Variants in RBFOX1 observed in about 807,000 individuals in gnomAD.
RBFOX1 encodes RNA binding protein fox-1 homolog 1.
A neutral mutation model predicts 57.7 loss-of-function variants in RBFOX1; 8 were observed. That is an observed-to-expected ratio of 0.14 (90% CI 0.08 to 0.25). The LOEUF (loss-of-function observed/expected upper bound fraction) is 0.25, where lower values mean the gene tolerates loss of function less well. RBFOX1 is among the 10% of genes least tolerant of loss of function. The pLI is 1.00. For synonymous variants in RBFOX1, 326 were observed against 222.4 expected (o/e 1.47, Z -4.15); for missense variants, 611 against 548.5 (o/e 1.11, Z -1.14).
intron 4 of RBFOX1, among the ~76,000 whole-genome samples, chr16:7,455,541 T>C (rs1442479436): frequency 6.6e-6 from 1 of 151,924 alleles, no homozygotes; most frequent in Non-Finnish European, 1.5e-5. Context: ...CCTGTAATCC[T>C]AGCACATTGA....
At chr16:6,486,318 G>A (rs2042911151) in intron 2 of RBFOX1, among the ~76,000 whole-genome samples, 1 of 151,208 alleles carries the variant, frequency 6.6e-6, no homozygotes, top group African/African-American at 2.4e-5. Flanking sequence ...GAACAAACTT[G>A]GTCTTGTTTT....
At chr16:7,168,293 A>G (rs1475196460) in intron 4 of RBFOX1, among the ~76,000 whole-genome samples, 1 of 152,088 alleles carries the variant, frequency 6.6e-6, no homozygotes, top group African/African-American at 2.4e-5. Context: ...CTCAGCATGA[A>G]ATGGACCAAG....
At chr16:7,383,232 A>G (rs1038474876) in intron 4 of RBFOX1, among the ~76,000 whole-genome samples, 3 of 152,018 alleles carry the variant, frequency 2.0e-5, no homozygotes, top group South Asian at 2.1e-4. Context: ...CATGTATCCC[A>G]TAAACATACA....
chr16:6,999,688 A>G (rs958577396), intron 3 of RBFOX1, among the ~76,000 whole-genome samples: 32 of 152,070 alleles, frequency 2.1e-4, no homozygotes, highest in Middle Eastern at 3.2e-3. Context: ...AAAATATACT[A>G]TTATTATTAA....
intron 1 of RBFOX1, among the ~76,000 whole-genome samples, chr16:6,178,125 A>G (rs553817565): frequency 5.1e-4 from 77 of 150,666 alleles, no homozygotes; most frequent in Non-Finnish European, 9.6e-4. Flanking sequence ...GGTTATGGTC[A>G]TGGACACCTG....
intron 4 of RBFOX1, among the ~76,000 whole-genome samples, chr16:7,146,433 G>A (rs2074995697): frequency 6.6e-6 from 1 of 152,172 alleles, no homozygotes; most frequent in Non-Finnish European, 1.5e-5. Flanking sequence ...CAGCAGCTCT[G>A]TCACCCCCAC....
intron 3 of RBFOX1, among the ~76,000 whole-genome samples, chr16:6,829,306 A>G (rs773825540): frequency 7.2e-5 from 11 of 152,048 alleles, no homozygotes; most frequent in Non-Finnish European, 1.5e-4. Context: ...TAGGAATTTA[A>G]TCTACATAAA....
In RBFOX1 at chr16:5,908,350, GT is replaced by G. The variant is rs1430351794; in HGVS notation, c.351+41016del. On this transcript the variant is annotated intron_variant, in intron 4 of 19. Transcript: ENST00000641259. ...TATATATATGTGTGTGTGTGTGTGT[GT>G]GTCTGTGTGTGTTTTTTGTAAGACA... 5.2e-4 allele frequency among the ~76,000 whole-genome samples: 42 copies of G among 81,010 alleles called. No individual in the cohort carries two copies. In the South Asian group the frequency reaches 9.1e-3, roughly 18 times the overall value. 53.1% of individuals were successfully genotyped at this position (81,010 alleles called of 152,430 possible). A position where few individuals can be genotyped will look rare whatever the true frequency, so the allele number is the denominator to read the frequency against.
intron 1 of RBFOX1, among the ~76,000 whole-genome samples, chr16:6,250,296 C>T (rs2097598457): frequency 6.6e-6 from 1 of 152,124 alleles, no homozygotes; most frequent in Non-Finnish European, 1.5e-5. Context: ...ATGAAATATG[C>T]AGTCCACTGC....
exon 3 of RBFOX1, chr16:5,599,232 G>C (rs769843879): frequency 1.5e-6 from 1 of 687,374 alleles, no homozygotes; most frequent in East Asian, 2.7e-5. Flanking sequence ...GACAGATCCG[G>C]GGCACAGTGG....
chr16:5,874,717 G>A (rs1156335324), intron 4 of RBFOX1, among the ~76,000 whole-genome samples: 1 of 152,186 alleles, frequency 6.6e-6, no homozygotes, highest in Non-Finnish European at 1.5e-5. Context: ...GGCAGAGACA[G>A]GAAAATCACT....
chr16:7,636,057 G>T (rs1027887453), intron 11 of RBFOX1, among the ~76,000 whole-genome samples: 1 of 152,204 alleles, frequency 6.6e-6, no homozygotes, highest in Non-Finnish European at 1.5e-5. Flanking sequence ...TGATCCACCC[G>T]CCTTGGCCGC....
At chr16:6,998,321 G>A (rs2092444735) in intron 3 of RBFOX1, among the ~76,000 whole-genome samples, 1 of 152,122 alleles carries the variant, frequency 6.6e-6, no homozygotes, top group African/African-American at 2.4e-5. Flanking sequence ...ACTCATTAGT[G>A]TCTTCCATTG....
chr16:7,054,647 C>G (rs1306956701), intron 4 of RBFOX1, among the ~76,000 whole-genome samples: 1 of 150,972 alleles, frequency 6.6e-6, no homozygotes, highest in Non-Finnish European at 1.5e-5. Context: ...ATTTTGCTTT[C>G]TTAGAAAGAG....
At chr16:5,358,038 T>C (rs1475662948) in intron 1 of RBFOX1, among the ~76,000 whole-genome samples, 2 of 152,210 alleles carry the variant, frequency 1.3e-5, no homozygotes, top group Non-Finnish European at 2.9e-5. Flanking sequence ...ATTTTCACAT[T>C]GTTCAGGAGG....
At position 6,252,326 on chromosome 16, in the gene RBFOX1, C is replaced by T. The variant is rs1004264341; in HGVS notation, c.-126-64669C>T. Among the ~76,000 whole-genome samples the T allele has an allele frequency of 3.3e-5, 5 of 152,086 alleles. No homozygotes were observed. The East Asian group carries it at 7.7e-4, about 24-fold the overall frequency. The stretch of plus-strand genomic sequence containing the variant: ...AGGTGTTGGGAAGAAGAATCTATTT[C>T]GAGGATCTGAAATTGGAACCTGCAT... On this transcript the variant is annotated intron_variant, in intron 1 of 15. Transcript: ENST00000550418.
intron 2 of RBFOX1, among the ~76,000 whole-genome samples, chr16:6,554,089 G>A (rs11077049): frequency 0.11 from 16,102 of 152,160 alleles, 2,008 homozygotes; most frequent in African/African-American, 0.3. Flanking sequence ...ACAGTTTAAT[G>A]TCTGTGCAAA....
chr16:7,128,020 C>A (rs1437595612), intron 4 of RBFOX1, among the ~76,000 whole-genome samples: 1 of 152,186 alleles, frequency 6.6e-6, no homozygotes. Flanking sequence ...TTTGCTGTTT[C>A]TTGGCTCAGC....
intron 3 of RBFOX1, among the ~76,000 whole-genome samples, chr16:6,827,202 GT>G (rs60748314): frequency 0.52 from 76,877 of 148,872 alleles, 20,798 homozygotes; most frequent in East Asian, 0.77. Context: ...TTAGAGGTGT[GT>G]TTTTTTTTTT....
Sources: allele counts gnomAD v4.1 joint callset (sites outside exome capture counted in the v4.1 genomes callset), GRCh38; gene constraint gnomAD v4.1.1; transcripts MANE v1.5; gene names NCBI Gene and HGNC (gene_info 2026-07-23, HGNC 2026-07-21).